The following PLPPR4 variants were observed in gnomAD, a reference collection of about 807,000 sequenced individuals.
PLPPR4 encodes phospholipid phosphatase-related protein type 4.
PLPPR4 carries 24 observed loss-of-function variants against 56.6 expected under a neutral mutation model. The observed-to-expected ratio is 0.42, with a 90% confidence interval of 0.31 to 0.60. The LOEUF (loss-of-function observed/expected upper bound fraction) is 0.60, where lower values mean the gene tolerates loss of function less well. PLPPR4 is among the 20% of genes least tolerant of loss of function. The pLI is 0.13. For synonymous variants in PLPPR4, 326 were observed against 328.1 expected, an observed-to-expected ratio of 0.99 and a Z score of 0.07; for missense variants, 654 against 885.8, an observed-to-expected ratio of 0.74 and a Z score of 3.32.
At chr1:99,271,144 TA>T (rs1259603253) in intron 1 of PLPPR4, among the ~76,000 whole-genome samples, 2 of 152,226 alleles carry the variant, frequency 1.3e-5, no homozygotes, top group African/African-American at 4.8e-5. Flanking sequence ...GAGATTTTAA[TA>T]ATGATGATAA....
At chr1:99,302,806 T>C (rs1177848241) in intron 6 of PLPPR4, among the ~76,000 whole-genome samples, 1 of 150,988 alleles carries the variant, frequency 6.6e-6, no homozygotes, top group East Asian at 2.0e-4. Flanking sequence ...AGAATGATGA[T>C]TTCCAATTTC....
At position 99,299,105 on chromosome 1, in the gene PLPPR4, A is replaced by G; in HGVS notation, c.465A>G (p.Gln155=). ...TCATACAGCTGTCCACAGGATATCA[A>G]GCACCTTACTTTCTGACTGTGTGCA... ...TDIIQLSTGY[Q]APYFLTVCKP... The change falls in exon 4 of 7, where the codon CAA becomes CAG. Residue 155 remains glutamine, a synonymous_variant. Coordinates refer to ENST00000370185, the MANE Select transcript of PLPPR4 (RefSeq NM_014839.5). 1 of 1,613,566 alleles carries G rather than the reference A, an allele frequency of 6.2e-7. No individual in the cohort carries two copies.
intron 1 of PLPPR4, among the ~76,000 whole-genome samples, chr1:99,278,078 A>G (rs6695420): frequency 0.16 from 23,620 of 152,046 alleles, 3,268 homozygotes; most frequent in African/African-American, 0.36. Context: ...TATCTATAAA[A>G]AGAAATATTC....
Position 99,305,942 on chromosome 1 carries a change from G to C in PLPPR4, c.1080G>C (p.Glu360Asp). The change falls in exon 7 of 7, where the codon GAG (glutamate) becomes GAC (aspartate). Residue 360 changes from glutamate to aspartate, a missense_variant. Glu to Asp is a conservative substitution (Grantham distance 45). This residue lies in a region of PLPPR4 where 468 missense variants were observed against 554.3 expected (regional missense o/e 0.84). Coordinates refer to ENST00000370185, the MANE Select transcript of PLPPR4 (RefSeq NM_014839.5). ...CTCCACGGAGCCCCATGGGGAAGGA[G>C]AACATGGTTACCTTCAGCAATACCT... is the stretch of plus-strand genomic sequence containing the variant. ...IITPRSPMGKENMVTFSNTLP... is the reference protein window; with the variant it reads ...IITPRSPMGKDNMVTFSNTLP... 6.2e-7 allele frequency: 1 copy of C among 1,614,114 alleles called. No individual in the cohort carries two copies. The highest frequency in any genetic ancestry group is 8.5e-7 in the Non-Finnish European group (1 of 1,180,026).
At chr1:99,265,659 CTG>C (rs1246773040) in intron 1 of PLPPR4, among the ~76,000 whole-genome samples, 1 of 152,188 alleles carries the variant, frequency 6.6e-6, no homozygotes, top group African/African-American at 2.4e-5. Flanking sequence ...AATTATAAGA[CTG>C]TTGCTGAATC....
At chr1:99,264,772 C>T in intron 1 of PLPPR4, 101 bp downstream of exon 1, 1 of 1,315,412 alleles carries the variant, frequency 7.6e-7, no homozygotes. Context: ...TCCTGCCGGG[C>T]GCGCGCGGCT....
intron 1 of PLPPR4, 94 bp from the exon 2 acceptor site, chr1:99,287,871 G>A: frequency 1.2e-6 from 1 of 867,202 alleles, no homozygotes; most frequent in Non-Finnish European, 1.8e-6. Flanking sequence ...AATCGGAGAA[G>A]AGTAGCGAGA....
intron 1 of PLPPR4, among the ~76,000 whole-genome samples, chr1:99,265,039 C>G (rs1209080585): frequency 6.6e-6 from 1 of 152,094 alleles, no homozygotes; most frequent in Non-Finnish European, 1.5e-5. Context: ...TTCAACCTGC[C>G]GAGTACGTGT....
intron 2 of PLPPR4, 65 bp downstream of exon 2, chr1:99,288,215 A>C (rs1659521407): frequency 1.4e-6 from 2 of 1,423,028 alleles, no homozygotes. Flanking sequence ...ACATTTGTAT[A>C]ATAAATGGGT....
At chr1:99,288,579 C>T (rs990011720) in intron 2 of PLPPR4, among the ~76,000 whole-genome samples, 3 of 152,102 alleles carry the variant, frequency 2.0e-5, no homozygotes, top group African/African-American at 7.2e-5. Context: ...TAGATTATCA[C>T]TGTTTATTGA....
At chr1:99,289,034 T>C (rs996338465) in intron 2 of PLPPR4, among the ~76,000 whole-genome samples, 1 of 152,148 alleles carries the variant, frequency 6.6e-6, no homozygotes, top group African/African-American at 2.4e-5. Context: ...TAACACACTT[T>C]TAGATAAATC....
At chr1:99,282,329 T>A (rs1174103878) in intron 1 of PLPPR4, among the ~76,000 whole-genome samples, 1 of 152,154 alleles carries the variant, frequency 6.6e-6, no homozygotes, top group South Asian at 2.1e-4. Flanking sequence ...TTTCTTTGTA[T>A]CTCCAGTACT....
At chr1:99,264,046 A>C, upstream of PLPPR4, 1 of 177,210 alleles carries the variant, frequency 5.6e-6, no homozygotes, top group Non-Finnish European at 1.2e-5. Flanking sequence ...TCGTGGAGGT[A>C]GGGGTTGGTT....
At chr1:99,301,117 G>A in intron 5 of PLPPR4, 151 bp downstream of exon 5, 1 of 671,762 alleles carries the variant, frequency 1.5e-6, no homozygotes, top group Non-Finnish European at 2.6e-6. Flanking sequence ...GGCATCCAAA[G>A]CAGAAATCAA....
rs772343256 is a variant in PLPPR4 at position 99,307,051 on chromosome 1, A to G, written c.*41A>G. 8.4e-6 allele frequency: 13 copies of G among 1,539,478 alleles called. No homozygotes were observed. The highest frequency in any genetic ancestry group is 1.7e-4 in the Middle Eastern group (1 of 5,746). ...TCATTAGGGCTACTCGCAAAAGACC[A>G]TATGTTGATTCTACCTGTGTTCTGT... On this transcript the variant is annotated 3_prime_UTR_variant, in exon 7 of 7. Coordinates refer to ENST00000370185, the MANE Select transcript of PLPPR4 (RefSeq NM_014839.5).
At chr1:99,264,693 G>GC (rs1658847122) in intron 1 of PLPPR4, 22 bp downstream of exon 1, 1 of 1,548,838 alleles carries the variant, frequency 6.5e-7, no homozygotes, top group East Asian at 2.4e-5. Context: ...CAGTGCCTTG[G>GC]CATAATGCAG....
intron 4 of PLPPR4, among the ~76,000 whole-genome samples, 178 bp downstream of exon 4, chr1:99,299,408 T>C (rs1186290502): frequency 6.6e-6 from 1 of 152,084 alleles, no homozygotes; most frequent in African/African-American, 2.4e-5. Flanking sequence ...TTATTCCAAA[T>C]TCTTCTCTAT....
At position 99,300,957 on chromosome 1, in the gene PLPPR4, G is replaced by A. The variant is rs762165832; in HGVS notation, c.639G>A (p.Val213=). The A allele has an allele frequency of 4.3e-6, 7 of 1,612,006 alleles. No homozygotes were observed. The South Asian group carries it at 5.5e-5, about 13-fold the overall frequency. The change falls in exon 5 of 7, where the codon GTG becomes GTA. Residue 213 remains valine, a synonymous_variant. Coordinates refer to ENST00000370185, the MANE Select transcript of PLPPR4 (RefSeq NM_014839.5). ...QHATLAAFAA[V]YVSMYFNSTL... Reference sequence around the variant, plus strand: ...CAACCCTTGCTGCCTTTGCAGCTGTGTATGTTTCGGTAAGTAACTGGTTCT... The same window carrying A: ...CAACCCTTGCTGCCTTTGCAGCTGTATATGTTTCGGTAAGTAACTGGTTCT...
intron 1 of PLPPR4, among the ~76,000 whole-genome samples, chr1:99,271,943 T>TGTGTGTGTGTGA (rs140869914): frequency 0.01 from 1,331 of 127,002 alleles, 22 homozygotes; most frequent in African/African-American, 0.032. Context: ...TGTGTGTGTG[T>TGTGTGTGTGTGA]GATGGAGATC....
Sources: allele counts gnomAD v4.1 joint callset (sites outside exome capture counted in the v4.1 genomes callset), GRCh38; gene constraint gnomAD v4.1.1; regional missense constraint gnomAD v4.1.1; transcripts MANE v1.5; gene names NCBI Gene and HGNC (gene_info 2026-07-23, HGNC 2026-07-21).